The following FER variants were observed in gnomAD, a reference collection of about 807,000 sequenced individuals.
FER encodes the protein tyrosine-protein kinase Fer.
Under a neutral mutation model 111.0 loss-of-function variants are expected in FER, and 63 were observed. The observed-to-expected ratio is 0.57, with a 90% CI of 0.46 to 0.70. The LOEUF (loss-of-function observed/expected upper bound fraction) is 0.70. FER is among the 30% of genes least tolerant of loss of function. The probability of loss-of-function intolerance (pLI) is 0.00; values close to 1 mark genes in which losing one functional copy is unlikely to be tolerated. For synonymous variants in FER, 327 were observed against 313.9 expected (o/e 1.04, Z -0.44); for missense variants, 914 against 954.0 (o/e 0.96, Z 0.55).
At chr5:109,041,253 A>G (rs1771141617) in intron 14 of FER, among the ~76,000 whole-genome samples, 1 of 152,150 alleles carries the variant, frequency 6.6e-6, no homozygotes, top group Non-Finnish European at 1.5e-5. Flanking sequence ...AGACTTGTAG[A>G]TTTGCTAAGG....
At chr5:108,870,704 T>A (rs1241946606) in intron 6 of FER, among the ~76,000 whole-genome samples, 3 of 152,176 alleles carry the variant, frequency 2.0e-5, no homozygotes. Flanking sequence ...ACCTTGTCTG[T>A]CTACACTTGC....
intron 13 of FER, among the ~76,000 whole-genome samples, chr5:109,026,033 A>G (rs937122348): frequency 2.0e-5 from 3 of 152,194 alleles, no homozygotes; most frequent in Admixed American, 2.0e-4. Context: ...TCTAAAGTTG[A>G]GATGAATGAA....
chr5:109,001,661 G>C (rs933330561), intron 13 of FER, among the ~76,000 whole-genome samples: 21 of 152,250 alleles, frequency 1.4e-4, no homozygotes, highest in African/African-American at 4.8e-4. Context: ...AGGAAATAAA[G>C]GGCATTCAAT....
intron 16 of FER, among the ~76,000 whole-genome samples, chr5:109,087,455 T>C (rs1357141526): frequency 3.3e-5 from 5 of 151,906 alleles, no homozygotes; most frequent in Admixed American, 3.3e-4. Flanking sequence ...TTCTATTAAT[T>C]ATTGAGAAAA....
intron 13 of FER, among the ~76,000 whole-genome samples, chr5:109,023,448 GAAC>G (rs1402104445): frequency 1.3e-5 from 2 of 152,062 alleles, no homozygotes; most frequent in Non-Finnish European, 2.9e-5. Flanking sequence ...GAACTCAGGG[GAAC>G]AATGTGGACT....
intron 10 of FER, chr5:108,924,786 T>G: frequency 8.1e-7 from 1 of 1,231,986 alleles, no homozygotes; most frequent in South Asian, 4.1e-5. Context: ...TCCACAGAGA[T>G]CAGGTAAGGA....
Position 108,960,548 on chromosome 5 carries a change from A to AAT in FER, c.1656+1215_1656+1216dup, listed in dbSNP as rs911676083. Among the ~76,000 whole-genome samples, 87 of 150,976 alleles carry AAT rather than the reference A, an allele frequency of 5.8e-4. 1 individual carries two copies. The highest frequency in any genetic ancestry group is 9.9e-4 in the African/African-American group (41 of 41,330). On this transcript the variant is annotated intron_variant, in intron 13 of 19. Transcript: ENST00000281092. ...GGTTGTCACATTTTTTCTATAGCAAAATATATATATATATAAATCTTTCAA... is the reference window on the plus strand; with the variant it reads ...GGTTGTCACATTTTTTCTATAGCAAAATATATATATATATATAAATCTTTCAA...
At chr5:108,893,787 G>A (rs1185699451) in intron 9 of FER, among the ~76,000 whole-genome samples, 1 of 152,014 alleles carries the variant, frequency 6.6e-6, no homozygotes, top group Non-Finnish European at 1.5e-5. Flanking sequence ...ATCTTGGATG[G>A]TTCTAAGAGC....
intron 3 of FER, among the ~76,000 whole-genome samples, chr5:108,804,117 C>T (rs934311820): frequency 1.3e-5 from 2 of 151,956 alleles, no homozygotes; most frequent in African/African-American, 2.4e-5. Context: ...GCATTGCATT[C>T]TTGATTTGGC....
chr5:109,052,349 G>A, intron 16 of FER: 1 of 1,590,186 alleles, frequency 6.3e-7, no homozygotes, highest in South Asian at 1.1e-5. Context: ...ACTGTCTTCA[G>A]CAGCAGGATT....
chr5:108,926,130 G>T, intron 10 of FER, among the ~76,000 whole-genome samples: 1 of 145,712 alleles, frequency 6.9e-6, no homozygotes, highest in Non-Finnish European at 1.5e-5. Context: ...ATTTATTTTT[G>T]AAATTGTTCT....
At chr5:108,809,686 C>T (rs1159209260) in intron 3 of FER, among the ~76,000 whole-genome samples, 3 of 152,156 alleles carry the variant, frequency 2.0e-5, no homozygotes, top group African/African-American at 4.8e-5. Flanking sequence ...TCTTAGCCTC[C>T]TGAGTAGCTG....
intron 17 of FER, among the ~76,000 whole-genome samples, chr5:109,100,866 AT>A (rs144421063): frequency 0.32 from 48,156 of 151,564 alleles, 7,844 homozygotes; most frequent in Non-Finnish European, 0.35. Flanking sequence ...GTCTATTCTC[AT>A]TTTCCAAAGA....
chr5:109,162,668 C>G (rs1756114642), intron 17 of FER, among the ~76,000 whole-genome samples: 1 of 151,988 alleles, frequency 6.6e-6, no homozygotes, highest in Non-Finnish European at 1.5e-5. Flanking sequence ...CTGTGTGGCC[C>G]CTGTTTTGCA....
At chr5:109,024,224 C>T (rs1768345260) in intron 13 of FER, among the ~76,000 whole-genome samples, 1 of 152,140 alleles carries the variant, frequency 6.6e-6, no homozygotes, top group African/African-American at 2.4e-5. Flanking sequence ...GCCTTTGATG[C>T]TATTGAAGAG....
intron 13 of FER, chr5:109,014,974 GA>G (rs1554117044): frequency 1.3e-5 from 2 of 152,010 alleles, no homozygotes; most frequent in East Asian, 1.9e-4. Context: ...TCTTAATGTT[GA>G]TTTTTTTTAA....
chr5:108,991,497 A>T (rs1437592456), intron 13 of FER, among the ~76,000 whole-genome samples: 1 of 152,160 alleles, frequency 6.6e-6, no homozygotes, highest in African/African-American at 2.4e-5. Context: ...ATTAAAAGAA[A>T]TTAGCAGCTT....
intron 12 of FER, 52 bp from the exon 13 acceptor site, chr5:108,959,173 T>A (rs1758825028): frequency 6.4e-7 from 1 of 1,566,478 alleles, no homozygotes; most frequent in African/African-American, 1.4e-5. Context: ...TGAATGTAGA[T>A]TTTCTAAAGC....
chr5:109,138,655 C>T (rs1191171678), intron 17 of FER, among the ~76,000 whole-genome samples: 1 of 152,072 alleles, frequency 6.6e-6, no homozygotes, highest in Non-Finnish European at 1.5e-5. Context: ...TCTCTAGTTC[C>T]TCTCACTCTA....
Sources: gnomAD v4.1 joint callset for allele counts (sites outside exome capture counted in the v4.1 genomes callset) on GRCh38, gnomAD v4.1.1 for gene constraint, MANE v1.5 for transcripts, NCBI Gene and HGNC (gene_info 2026-07-23, HGNC 2026-07-21) for gene names.